PLAAT5: variants seen among roughly 807,000 people sequenced by gnomAD.
The protein encoded by PLAAT5 is Ca(2+)-independent N-acyltransferase.
In PLAAT5, 27 loss-of-function variants were observed where a neutral mutation model predicts 27.8. The ratio of observed to expected loss-of-function variants is 0.97; its 90% CI spans 0.72 to 1.34. The LOEUF is 1.34. PLAAT5 is among the 40% of genes most tolerant of loss of function. PLAAT5 has a pLI of 0.00. For synonymous variants in PLAAT5, 125 were observed against 136.1 expected (o/e 0.92, Z 0.57); for missense variants, 368 against 343.8 (o/e 1.07, Z -0.56).
intron 3 of PLAAT5, among the ~76,000 whole-genome samples, chr11:63,473,012 AG>A (rs991514759): frequency 6.6e-6 from 1 of 152,022 alleles, no homozygotes; most frequent in African/African-American, 2.4e-5. Flanking sequence ...TGGGAGGCTG[AG>A]GCACGAGAAT....
At chr11:63,466,906 T>C (rs1278262936) in intron 4 of PLAAT5, among the ~76,000 whole-genome samples, 1 of 152,100 alleles carries the variant, frequency 6.6e-6, no homozygotes. Context: ...TGACCTCTAC[T>C]CAAATACGGG....
chr11:63,487,608 A>G (rs1164152134), intron 3 of PLAAT5, among the ~76,000 whole-genome samples: 2 of 152,284 alleles, frequency 1.3e-5, no homozygotes, highest in East Asian at 3.9e-4. Context: ...ATATACATCT[A>G]CCACATGACC....
At chr11:63,486,036 G>A (rs746121758) in intron 3 of PLAAT5, among the ~76,000 whole-genome samples, 18 of 152,120 alleles carry the variant, frequency 1.2e-4, no homozygotes, top group Non-Finnish European at 2.2e-4. Flanking sequence ...ACTGCTCAAC[G>A]TCACTAATTA....
chr11:63,470,089 CA>C (rs111365403), intron 3 of PLAAT5: 307 of 139,246 alleles, frequency 2.2e-3, no homozygotes, highest in South Asian at 6.2e-3. Flanking sequence ...ACTCCCATCT[CA>C]AAAAAAAAAA....
At chr11:63,490,756 T>C in intron 1 of PLAAT5, 131 bp downstream of exon 1, 1 of 876,056 alleles carries the variant, frequency 1.1e-6, no homozygotes, top group Non-Finnish European at 1.7e-6. Context: ...CGTTCTGAAA[T>C]ACTCGCTCAT....
At chr11:63,479,609 CTAA>C (rs1463756107) in intron 3 of PLAAT5, among the ~76,000 whole-genome samples, 1 of 152,028 alleles carries the variant, frequency 6.6e-6, no homozygotes, top group Non-Finnish European at 1.5e-5. Flanking sequence ...GTTATTTAGC[CTAA>C]TTTCTTTATA....
At chr11:63,463,801 C>T (rs2015782648) in intron 5 of PLAAT5, among the ~76,000 whole-genome samples, 1 of 152,178 alleles carries the variant, frequency 6.6e-6, no homozygotes, top group Admixed American at 6.5e-5. Context: ...GACAGACAAC[C>T]CCTTCCTCCC....
chr11:63,483,391 G>A (rs900703441), intron 3 of PLAAT5, among the ~76,000 whole-genome samples: 3 of 151,746 alleles, frequency 2.0e-5, no homozygotes, highest in Admixed American at 6.6e-5. Context: ...TAAGAAAATC[G>A]AAAATATATC....
chr11:63,481,744 A>G (rs905604583), intron 3 of PLAAT5, among the ~76,000 whole-genome samples: 1 of 152,198 alleles, frequency 6.6e-6, no homozygotes, highest in Non-Finnish European at 1.5e-5. Flanking sequence ...TGATGAGTTC[A>G]TGTCCTTTGT....
At chr11:63,489,321 T>A (rs2016508379) in intron 2 of PLAAT5, among the ~76,000 whole-genome samples, 1 of 152,216 alleles carries the variant, frequency 6.6e-6, no homozygotes, top group Non-Finnish European at 1.5e-5. Context: ...CTTCCTCCTT[T>A]CCCTTTTCAT....
intron 3 of PLAAT5, among the ~76,000 whole-genome samples, chr11:63,478,945 C>CT (rs1180115574): frequency 2.0e-5 from 3 of 152,166 alleles, no homozygotes; most frequent in Admixed American, 1.3e-4. Context: ...CAAACCAACT[C>CT]TTTCTTCTGC....
In PLAAT5 at chr11:63,461,518, C is replaced by A. The variant is rs2015714707; in HGVS notation, c.*1985G>T. On this transcript the variant is annotated 3_prime_UTR_variant, in exon 6 of 6. Transcript: ENST00000540857. ...CATGTGCTTTATTATATCAACAAGA[C>A]TAAGAAGCCGCACCCGAGTGGTCCC... 6.6e-6 allele frequency: 1 copy of A among 152,192 alleles called. No homozygotes were observed. The highest frequency in any genetic ancestry group is 2.4e-5 in the African/African-American group (1 of 41,450). 9.4% of individuals were successfully genotyped at this position (152,192 alleles called of 1,614,324 possible).
At chr11:63,486,682 G>A (rs1385192078) in intron 3 of PLAAT5, among the ~76,000 whole-genome samples, 1 of 152,026 alleles carries the variant, frequency 6.6e-6, no homozygotes, top group Non-Finnish European at 1.5e-5. Context: ...GTGGGGTGAG[G>A]GATAAAAGAC....
At chr11:63,475,670 C>T (rs1318866436) in intron 3 of PLAAT5, among the ~76,000 whole-genome samples, 2 of 150,118 alleles carry the variant, frequency 1.3e-5, no homozygotes, top group Non-Finnish European at 2.9e-5. Context: ...CTGTACATCA[C>T]GTCTTTTTTG....
intron 3 of PLAAT5, among the ~76,000 whole-genome samples, chr11:63,479,725 A>T (rs914953287): frequency 6.6e-6 from 1 of 152,206 alleles, no homozygotes; most frequent in African/African-American, 2.4e-5. Flanking sequence ...AAGGACCATT[A>T]CTATCTAAGT....
chr11:63,477,808 G>A (rs1265021824), intron 3 of PLAAT5, among the ~76,000 whole-genome samples: 1 of 152,100 alleles, frequency 6.6e-6, no homozygotes, highest in Non-Finnish European at 1.5e-5. Context: ...GATCGGCATA[G>A]CTTAATGGCC....
chr11:63,478,411 C>T (rs2016204739), intron 3 of PLAAT5, among the ~76,000 whole-genome samples: 2 of 152,090 alleles, frequency 1.3e-5, no homozygotes, highest in Non-Finnish European at 2.9e-5. Flanking sequence ...ACCTCCGCCT[C>T]CCTGGTTTCA....
chr11:63,480,668 T>C (rs1465371336), intron 3 of PLAAT5, among the ~76,000 whole-genome samples: 1 of 152,148 alleles, frequency 6.6e-6, no homozygotes, highest in Admixed American at 6.5e-5. Flanking sequence ...TGCCAGAGTT[T>C]TAAAAGCTCC....
intron 3 of PLAAT5, among the ~76,000 whole-genome samples, chr11:63,479,938 A>G (rs1305600960): frequency 6.6e-6 from 1 of 152,208 alleles, no homozygotes; most frequent in Non-Finnish European, 1.5e-5. Flanking sequence ...TTGACACGTT[A>G]TGTTACTCTT....
Sources: allele counts gnomAD v4.1 joint callset (sites outside exome capture counted in the v4.1 genomes callset), GRCh38; gene constraint gnomAD v4.1.1; transcripts MANE v1.5; gene names NCBI Gene and HGNC (gene_info 2026-07-23, HGNC 2026-07-21).